The following ATP8A2 variants were observed in gnomAD, a reference collection of about 807,000 sequenced individuals.
ATP8A2 encodes phospholipid-transporting ATPase IB.
Under a neutral mutation model 165.6 loss-of-function variants are expected in ATP8A2, and 100 were observed. The ratio of observed to expected loss-of-function variants is 0.60; its 90% CI spans 0.51 to 0.71. The LOEUF (loss-of-function observed/expected upper bound fraction) is 0.71, where lower values mean the gene tolerates loss of function less well. Among genes scored for constraint, ATP8A2 ranks in the 30% least tolerant of loss-of-function variants. ATP8A2 has a pLI of 0.00. For missense variants in ATP8A2, 1,227 were observed against 1,479.5 expected, an observed-to-expected ratio of 0.83 and a Z score of 2.80; for synonymous variants, 543 against 548.8, an observed-to-expected ratio of 0.99 and a Z score of 0.15.
At chr13:25,607,996 G>A (rs879771545) in intron 24 of ATP8A2, among the ~76,000 whole-genome samples, 3 of 152,168 alleles carry the variant, frequency 2.0e-5, no homozygotes, top group Non-Finnish European at 2.9e-5. Context: ...AAAATAAGAA[G>A]CATGTGAAAG....
chr13:25,637,183 G>A (rs929239555), intron 24 of ATP8A2, among the ~76,000 whole-genome samples: 3 of 150,340 alleles, frequency 2.0e-5, no homozygotes, highest in African/African-American at 4.9e-5. Context: ...CAGCATGAGC[G>A]ATGCAGAAGA....
intron 1 of ATP8A2, among the ~76,000 whole-genome samples, chr13:25,446,544 A>G (rs1216995650): frequency 8.0e-6 from 1 of 124,694 alleles, no homozygotes; most frequent in African/African-American, 2.6e-5. Context: ...CGCCCGCAGT[A>G]CATTGAGTTT....
chr13:25,807,154 GTT>G (rs55690312), intron 27 of ATP8A2, among the ~76,000 whole-genome samples: 25,641 of 145,876 alleles, frequency 0.18, 2,359 homozygotes, highest in East Asian at 0.29. Flanking sequence ...TCTTTATAGT[GTT>G]TTTTTTTTTT....
At chr13:25,411,932 TCTC>T (rs2033977792) in intron 1 of ATP8A2, among the ~76,000 whole-genome samples, 1 of 152,208 alleles carries the variant, frequency 6.6e-6, no homozygotes, top group Non-Finnish European at 1.5e-5. Flanking sequence ...CCCAAACTCT[TCTC>T]CTCCTAAAAC....
chr13:25,688,389 G>T (rs180849273), intron 24 of ATP8A2, among the ~76,000 whole-genome samples: 1 of 134,582 alleles, frequency 7.4e-6, no homozygotes, highest in Non-Finnish European at 1.7e-5. Flanking sequence ...GAAGCCTTTC[G>T]GCCAGGTGTG....
intron 1 of ATP8A2, among the ~76,000 whole-genome samples, chr13:25,449,087 A>G (rs1482879985): frequency 6.6e-6 from 1 of 152,174 alleles, no homozygotes; most frequent in African/African-American, 2.4e-5. Flanking sequence ...CAAAGAACCA[A>G]TTCTGACTTT....
At chr13:25,577,861 T>C (rs1007354839) in intron 20 of ATP8A2, among the ~76,000 whole-genome samples, 1 of 152,216 alleles carries the variant, frequency 6.6e-6, no homozygotes, top group South Asian at 2.1e-4. Context: ...TACTAATCTT[T>C]ACCAGTTGTG....
chr13:25,921,897 G>A (rs996746108), intron 33 of ATP8A2, among the ~76,000 whole-genome samples: 1 of 152,120 alleles, frequency 6.6e-6, no homozygotes, highest in South Asian at 2.1e-4. Context: ...AACGTATTGA[G>A]GTAGTGAATC....
chr13:25,654,761 G>A (rs9511860), intron 24 of ATP8A2, among the ~76,000 whole-genome samples: 38,755 of 152,050 alleles, frequency 0.25, 5,267 homozygotes, highest in South Asian at 0.47. Flanking sequence ...TCACTGGGGA[G>A]ACAGTCCCCC....
chr13:25,521,830 T>C (rs1324609575), intron 2 of ATP8A2, among the ~76,000 whole-genome samples: 1 of 152,208 alleles, frequency 6.6e-6, no homozygotes, highest in East Asian at 1.9e-4. Flanking sequence ...CATTGGTCTA[T>C]GTGTCTGTTT....
intron 16 of ATP8A2, 23 bp from the exon 17 acceptor site, chr13:25,570,744 C>G (rs2039443345): frequency 1.3e-6 from 2 of 1,596,936 alleles, no homozygotes; most frequent in Admixed American, 1.7e-5. Flanking sequence ...GTATCTGACA[C>G]TAATCCCGCC....
At chr13:25,593,350 A>G (rs1372859248) in intron 24 of ATP8A2, among the ~76,000 whole-genome samples, 1 of 152,126 alleles carries the variant, frequency 6.6e-6, no homozygotes, top group Admixed American at 6.5e-5. Context: ...GTTTCATCAG[A>G]CCAGTAAGTA....
At chr13:25,394,069 T>A (rs1320428624) in intron 1 of ATP8A2, among the ~76,000 whole-genome samples, 1 of 152,220 alleles carries the variant, frequency 6.6e-6, no homozygotes, top group African/African-American at 2.4e-5. Context: ...CTGGTTGTTT[T>A]AAAAAAATGA....
rs2043951922 is a variant in ATP8A2 at position 25,743,095 on chromosome 13, T to C, written c.2385-25951T>C. 7.2e-5 allele frequency among the ~76,000 whole-genome samples: 11 copies of C among 152,154 alleles called. No individual in the cohort carries two copies. In the South Asian group the frequency reaches 2.3e-3, roughly 32 times the overall value. ...TTTCAGATGTATTGAGATGAGGTCA[T>C]TAGGGTGGACCTCATCTTAATACAC... On this transcript the variant is annotated intron_variant, in intron 25 of 36. Coordinates refer to ENST00000381655, the MANE Select transcript of ATP8A2 (RefSeq NM_016529.6).
chr13:25,478,308 TTC>T (rs2036051717), intron 2 of ATP8A2, among the ~76,000 whole-genome samples: 4 of 152,294 alleles, frequency 2.6e-5, no homozygotes, highest in Admixed American at 2.6e-4. Flanking sequence ...TCATGTGAGC[TTC>T]TGTGTCGTTA....
intron 1 of ATP8A2, among the ~76,000 whole-genome samples, chr13:25,414,190 T>TG (rs1380228010): frequency 1.5e-3 from 175 of 119,542 alleles, no homozygotes; most frequent in African/African-American, 4.9e-3. Context: ...TGTGGTGTTT[T>TG]TTTTTTTTTT....
chr13:25,787,742 A>C (rs2045067181), intron 27 of ATP8A2, among the ~76,000 whole-genome samples: 2 of 152,186 alleles, frequency 1.3e-5, no homozygotes, highest in African/African-American at 4.8e-5. Flanking sequence ...CCTCTCCGGC[A>C]TAGGTGTCCC....
At chr13:25,917,043 A>G (rs1954288675) in intron 33 of ATP8A2, among the ~76,000 whole-genome samples, 1 of 152,086 alleles carries the variant, frequency 6.6e-6, no homozygotes, top group Non-Finnish European at 1.5e-5. Context: ...TAAATCTTGC[A>G]CTTATTTTCA....
intron 24 of ATP8A2, among the ~76,000 whole-genome samples, chr13:25,636,602 G>A (rs1432161874): frequency 1.3e-5 from 2 of 152,042 alleles, no homozygotes; most frequent in East Asian, 1.9e-4. Context: ...AATCCATGAA[G>A]CATAAACAAA....
Sources: gnomAD v4.1 joint callset for allele counts (sites outside exome capture counted in the v4.1 genomes callset) on GRCh38, gnomAD v4.1.1 for gene constraint, MANE v1.5 for transcripts, NCBI Gene and HGNC (gene_info 2026-07-23, HGNC 2026-07-21) for gene names.